Variants in AGBL4 observed in about 807,000 individuals in gnomAD.
AGBL4 encodes cytosolic carboxypeptidase 6.
A neutral mutation model predicts 66.4 loss-of-function variants in AGBL4; 58 were observed. The observed-to-expected ratio is 0.87, with a 90% CI of 0.71 to 1.09. The LOEUF (loss-of-function observed/expected upper bound fraction) is 1.09, where lower values mean the gene tolerates loss of function less well. AGBL4 is among the 50% of genes least tolerant of loss of function. AGBL4 has a pLI of 0.00. For missense variants in AGBL4, 579 were observed against 631.0 expected, an observed-to-expected ratio of 0.92 and a Z score of 0.88; for synonymous variants, 234 against 222.9, an observed-to-expected ratio of 1.05 and a Z score of -0.44.
chr1:49,591,880 G>A (rs1206463698), intron 3 of AGBL4, among the ~76,000 whole-genome samples: 2 of 152,114 alleles, frequency 1.3e-5, no homozygotes, highest in Non-Finnish European at 2.9e-5. Context: ...TAACTGGCTA[G>A]CCATATGCAG....
intron 3 of AGBL4, among the ~76,000 whole-genome samples, chr1:49,451,111 A>G (rs1019340317): frequency 6.6e-6 from 1 of 152,074 alleles, no homozygotes; most frequent in Non-Finnish European, 1.5e-5. Flanking sequence ...GAATGGAAGT[A>G]CACATTTCCT....
intron 3 of AGBL4, among the ~76,000 whole-genome samples, chr1:49,600,064 T>G (rs757151869): frequency 9.9e-5 from 15 of 152,220 alleles, no homozygotes; most frequent in Non-Finnish European, 1.9e-4. Flanking sequence ...TGCTATGTGG[T>G]GCTGAGAAGA....
chr1:49,024,547 G>C (rs760343768), intron 5 of AGBL4, among the ~76,000 whole-genome samples: 2 of 152,066 alleles, frequency 1.3e-5, no homozygotes, highest in Non-Finnish European at 2.9e-5. Context: ...TAACCTTTCT[G>C]TGCCTCAGTT....
At chr1:48,689,143 C>T (rs1242684176) in intron 6 of AGBL4, among the ~76,000 whole-genome samples, 3 of 148,294 alleles carry the variant, frequency 2.0e-5, no homozygotes, top group African/African-American at 7.7e-5. Flanking sequence ...ACTGCTTAAA[C>T]CCAAGAGATG....
At chr1:49,741,547 T>C (rs1650472429) in intron 2 of AGBL4, among the ~76,000 whole-genome samples, 1 of 152,208 alleles carries the variant, frequency 6.6e-6, no homozygotes, top group Non-Finnish European at 1.5e-5. Context: ...CTAACTCATA[T>C]GATGAGGCCA....
At chr1:49,878,871 T>G (rs1232095116) in intron 1 of AGBL4, among the ~76,000 whole-genome samples, 1 of 117,172 alleles carries the variant, frequency 8.5e-6, no homozygotes, top group Non-Finnish European at 1.7e-5. Context: ...ATATTTAGGA[T>G]AGTTAGCTCC....
chr1:48,644,567 A>G (rs1158303529), intron 8 of AGBL4, among the ~76,000 whole-genome samples: 1 of 152,140 alleles, frequency 6.6e-6, no homozygotes, highest in Admixed American at 6.6e-5. Flanking sequence ...GAAGAGAGGG[A>G]AGAAACAGTT....
At chr1:49,886,086 C>T (rs1026426683) in intron 1 of AGBL4, among the ~76,000 whole-genome samples, 3 of 152,082 alleles carry the variant, frequency 2.0e-5, no homozygotes, top group Non-Finnish European at 4.4e-5. Flanking sequence ...AAGTGATTTC[C>T]CTCCCTTGGT....
chr1:49,353,664 A>G (rs575646510), intron 3 of AGBL4, among the ~76,000 whole-genome samples: 1 of 152,084 alleles, frequency 6.6e-6, no homozygotes, highest in African/African-American at 2.4e-5. Context: ...TTCATGCCCA[A>G]TGTTGCCTTT....
rs376604263 is a variant in AGBL4, at chr1:49,710,150, T to C, written c.158-12713A>G. ...AAAGACACATGCACACATATGTTTA[T>C]TGAGGCACTGTTCACAATAGCAAAG... On this transcript the variant is annotated intron_variant, in intron 2 of 13. Transcript: ENST00000371839. Among the ~76,000 whole-genome samples, 49 of 152,322 alleles carry C rather than the reference T, an allele frequency of 3.2e-4. 1 individual carries two copies. The South Asian group carries it at 9.5e-3, about 30-fold the overall frequency.
At chr1:48,735,265 T>C (rs1352749521) in intron 6 of AGBL4, among the ~76,000 whole-genome samples, 4 of 152,174 alleles carry the variant, frequency 2.6e-5, no homozygotes, top group African/African-American at 9.7e-5. Flanking sequence ...GTAGAGTAAC[T>C]AGTTGTTTTT....
intron 2 of AGBL4, among the ~76,000 whole-genome samples, chr1:49,822,117 T>C (rs1157794148): frequency 4.6e-5 from 7 of 152,142 alleles, no homozygotes; most frequent in Non-Finnish European, 8.8e-5. Context: ...AAATTCTGTG[T>C]AATATTTTCT....
chr1:49,944,418 G>A (rs184104367), intron 1 of AGBL4, among the ~76,000 whole-genome samples: 2 of 152,162 alleles, frequency 1.3e-5, no homozygotes, highest in Admixed American at 6.6e-5. Flanking sequence ...AAGCCTGGTA[G>A]ACCTGGTAGA....
At chr1:48,940,734 G>A (rs1655896287) in intron 5 of AGBL4, among the ~76,000 whole-genome samples, 3 of 152,172 alleles carry the variant, frequency 2.0e-5, no homozygotes, top group Non-Finnish European at 2.9e-5. Flanking sequence ...TCCAAAGACT[G>A]CAAATCAGTG....
At chr1:49,228,393 T>C (rs1427906262) in intron 4 of AGBL4, among the ~76,000 whole-genome samples, 1 of 152,002 alleles carries the variant, frequency 6.6e-6, no homozygotes, top group Non-Finnish European at 1.5e-5. Flanking sequence ...AAATGAAAAA[T>C]AGAGCAGGGT....
intron 2 of AGBL4, among the ~76,000 whole-genome samples, chr1:49,795,799 T>C (rs1409209707): frequency 6.6e-6 from 1 of 151,804 alleles, no homozygotes; most frequent in Non-Finnish European, 1.5e-5. Flanking sequence ...CCAACATAAT[T>C]TTGATGAGGA....
intron 3 of AGBL4, among the ~76,000 whole-genome samples, chr1:49,295,305 A>G (rs1644620527): frequency 1.3e-5 from 2 of 152,188 alleles, no homozygotes; most frequent in Admixed American, 1.3e-4. Flanking sequence ...ATGCAGTGTT[A>G]CCAGAACATG....
chr1:49,394,929 TA>T (rs1169633392), intron 3 of AGBL4, among the ~76,000 whole-genome samples: 7 of 152,122 alleles, frequency 4.6e-5, no homozygotes, highest in Non-Finnish European at 8.8e-5. Context: ...TCAAAAAGAA[TA>T]AAACTTCCTG....
chr1:49,864,809 G>T (rs1305575545), intron 1 of AGBL4, among the ~76,000 whole-genome samples: 1 of 152,144 alleles, frequency 6.6e-6, no homozygotes, highest in Non-Finnish European at 1.5e-5. Flanking sequence ...CACTGCGGCT[G>T]CCTGCTTGCT....
Sources: allele counts gnomAD v4.1 joint callset (sites outside exome capture counted in the v4.1 genomes callset), GRCh38; gene constraint gnomAD v4.1.1; transcripts MANE v1.5; gene names NCBI Gene and HGNC (gene_info 2026-07-23, HGNC 2026-07-21).